MYO1E: variants seen among roughly 807,000 people sequenced by gnomAD.
MYO1E encodes myosin IE, also known as unconventional myosin-Ie.
In MYO1E, 68 loss-of-function variants were observed where a neutral mutation model predicts 151.1. The observed-to-expected ratio is 0.45, with a 90% CI of 0.37 to 0.55. The LOEUF (loss-of-function observed/expected upper bound fraction) is 0.55. Ranked by LOEUF, MYO1E falls within the 20% of genes least tolerant of loss-of-function variation. MYO1E has a pLI of 0.00. For synonymous variants in MYO1E, 601 were observed against 501.7 expected (o/e 1.20, Z -2.64); for missense variants, 1,363 against 1,389.3 (o/e 0.98, Z 0.30).
At chr15:59,235,766 T>G (rs116186597) in intron 5 of MYO1E, among the ~76,000 whole-genome samples, 1,816 of 152,356 alleles carry the variant, frequency 0.012, 39 homozygotes, top group African/African-American at 0.042. Context: ...TTCATTAAAA[T>G]GTACTAGTTC....
intron 17 of MYO1E, among the ~76,000 whole-genome samples, chr15:59,194,175 C>CAAA (rs35566951): frequency 8.2e-6 from 1 of 121,256 alleles, no homozygotes. Flanking sequence ...CTCTTGTCTC[C>CAAA]AAAAAAAAAA....
chr15:59,184,131 C>A (rs1213534218), intron 18 of MYO1E, among the ~76,000 whole-genome samples: 1 of 152,122 alleles, frequency 6.6e-6, no homozygotes, highest in Non-Finnish European at 1.5e-5. Flanking sequence ...CTCAGCCTCC[C>A]GAGTATCTGG....
intron 6 of MYO1E, among the ~76,000 whole-genome samples, chr15:59,228,309 C>G (rs550316631): frequency 2.6e-5 from 4 of 152,098 alleles, no homozygotes; most frequent in African/African-American, 9.6e-5. Context: ...TGGTGAAACC[C>G]CATCTCTGCT....
At chr15:59,368,730 TGA>T (rs1350444577) in intron 1 of MYO1E, among the ~76,000 whole-genome samples, 1 of 151,718 alleles carries the variant, frequency 6.6e-6, no homozygotes, top group Non-Finnish European at 1.5e-5. Context: ...CGGGCGACAG[TGA>T]GAGACTCCAA....
chr15:59,324,519 G>C (rs1269080834), intron 1 of MYO1E, among the ~76,000 whole-genome samples: 2 of 152,160 alleles, frequency 1.3e-5, no homozygotes, highest in African/African-American at 2.4e-5. Context: ...TATCTGGGTT[G>C]GTTCAAGGGG....
chr15:59,215,453 G>C, intron 10 of MYO1E, among the ~76,000 whole-genome samples: 1 of 152,154 alleles, frequency 6.6e-6, no homozygotes, highest in Admixed American at 6.5e-5. Flanking sequence ...TAAGCAGTAT[G>C]ATGCCTAAAT....
chr15:59,233,768 A>G (rs901954905), intron 5 of MYO1E, among the ~76,000 whole-genome samples: 1 of 151,516 alleles, frequency 6.6e-6, no homozygotes, highest in African/African-American at 2.4e-5. Context: ...GAGAAAAGCA[A>G]GTGGACTGAA....
chr15:59,213,290 C>G (rs1305665497), intron 12 of MYO1E, among the ~76,000 whole-genome samples: 2 of 151,934 alleles, frequency 1.3e-5, no homozygotes, highest in African/African-American at 4.8e-5. Flanking sequence ...CCTGCCTCAG[C>G]CCCCTGAGTA....
chr15:59,144,720 G>A (rs1161883383), intron 26 of MYO1E, among the ~76,000 whole-genome samples: 2 of 152,204 alleles, frequency 1.3e-5, no homozygotes, highest in Non-Finnish European at 2.9e-5. Flanking sequence ...AGACCTGGAA[G>A]CCACCTTGGA....
intron 1 of MYO1E, among the ~76,000 whole-genome samples, chr15:59,309,437 A>T (rs2080536206): frequency 6.6e-6 from 1 of 152,252 alleles, no homozygotes; most frequent in South Asian, 2.1e-4. Context: ...ATTGCTGTGT[A>T]AACTAAACAG....
rs200987052 is a variant in MYO1E, at chr15:59,195,532, T to A, written c.1734A>T (p.Lys578Asn). The change falls in exon 17 of 28, where the codon AAA becomes AAT. Residue 578 changes from lysine to asparagine, a missense_variant. By Grantham distance (94) the Lys-to-Asn change is moderately conservative (BLOSUM62 0). Transcript: ENST00000288235. ...TGCAGCGAATGTAGTGGGGCGTACA[T>A]TTCATCAGGGTGCTCACAAGGTCAT... ...QANDLVSTLM[K>N]CTPHYIRCIK... is the part of the protein sequence containing the mutation. 2 of 1,614,118 alleles carry A rather than the reference T, an allele frequency of 1.2e-6. No individual in the cohort carries two copies. Among genetic ancestry groups the A allele is most frequent in the Admixed American group, 1.7e-5 (1 of 60,020 alleles).
At chr15:59,272,861 G>A (rs1402172381) in intron 1 of MYO1E, among the ~76,000 whole-genome samples, 4 of 152,128 alleles carry the variant, frequency 2.6e-5, no homozygotes, top group Non-Finnish European at 4.4e-5. Context: ...TGAATTTGTC[G>A]GTGAAAATAA....
At chr15:59,343,638 T>G (rs1356395603) in intron 1 of MYO1E, among the ~76,000 whole-genome samples, 1 of 152,168 alleles carries the variant, frequency 6.6e-6, no homozygotes, top group African/African-American at 2.4e-5. Context: ...CAATAATTCT[T>G]GGATTTGCCC....
chr15:59,286,204 G>A (rs1432878308), intron 1 of MYO1E, among the ~76,000 whole-genome samples: 1 of 152,208 alleles, frequency 6.6e-6, no homozygotes, highest in Non-Finnish European at 1.5e-5. Flanking sequence ...CTGCCAAAAA[G>A]TCAGGACTTC....
intron 1 of MYO1E, among the ~76,000 whole-genome samples, chr15:59,314,567 G>T (rs2080573957): frequency 6.6e-6 from 1 of 152,084 alleles, no homozygotes; most frequent in African/African-American, 2.4e-5. Context: ...TGGTATAATG[G>T]AAAGATTTAG....
At position 59,132,867 on chromosome 15, in the gene MYO1E, T is replaced by G. The variant is rs1238253327; in HGVS notation, c.*4513A>C. 1.3e-5 allele frequency: 2 copies of G among 152,202 alleles called. No homozygotes were observed. The highest frequency in any genetic ancestry group is 4.8e-5 in the African/African-American group (2 of 41,454). 9.4% of individuals were successfully genotyped at this position (152,202 alleles called of 1,614,324 possible). A position where few individuals can be genotyped will look rare whatever the true frequency, so the allele number is the denominator to read the frequency against. On this transcript the variant is annotated 3_prime_UTR_variant, in exon 28 of 28. Transcript: ENST00000288235. The stretch of plus-strand genomic sequence containing the variant: ...ATTTTAAAGAGAAGGTTAATGGTCT[T>G]GGAAAGAGATGAATCAGAGGATTCA...
chr15:59,174,069 A>T (rs2079610578), intron 20 of MYO1E, 57 bp downstream of exon 20: 1 of 1,533,598 alleles, frequency 6.5e-7, no homozygotes, highest in South Asian at 1.1e-5. Context: ...ACTTCACTTA[A>T]GCTCCAATTT....
intron 1 of MYO1E, among the ~76,000 whole-genome samples, chr15:59,291,737 A>T (rs2080420925): frequency 6.9e-6 from 1 of 145,740 alleles, no homozygotes; most frequent in Admixed American, 6.8e-5. Context: ...GAAAACAAAG[A>T]TTAACAAAAA....
chr15:59,139,497 C>T (rs1373622571), intron 26 of MYO1E, among the ~76,000 whole-genome samples: 1 of 121,826 alleles, frequency 8.2e-6, no homozygotes, highest in African/African-American at 3.7e-5. Flanking sequence ...TCTTTCCCAC[C>T]CCCTTATTAC....
Sources: allele counts gnomAD v4.1 joint callset (sites outside exome capture counted in the v4.1 genomes callset), GRCh38; gene constraint gnomAD v4.1.1; transcripts MANE v1.5; gene names NCBI Gene and HGNC (gene_info 2026-07-23, HGNC 2026-07-21).